DNAH8: variants seen among roughly 807,000 people sequenced by gnomAD.
DNAH8 encodes dynein axonemal heavy chain 8, also known as axonemal beta dynein heavy chain 8.
In DNAH8, 382 loss-of-function variants were observed where a neutral mutation model predicts 562.1. The observed-to-expected ratio is 0.68, with a 90% confidence interval of 0.63 to 0.74. The LOEUF (loss-of-function observed/expected upper bound fraction) is 0.74, where lower values mean the gene tolerates loss of function less well. Ranked by LOEUF, DNAH8 falls within the 30% of genes least tolerant of loss-of-function variation. DNAH8 has a pLI of 0.00. For synonymous variants in DNAH8, 1,881 were observed against 1,919.4 expected, an observed-to-expected ratio of 0.98 and a Z score of 0.52; for missense variants, 5,203 against 5,620.4, an observed-to-expected ratio of 0.93 and a Z score of 2.37.
In DNAH8 at chr6:38,716,119, C is replaced by T. The variant is rs187310311; in HGVS notation, c.-35+704C>T. Reference sequence around the variant, plus strand: ...GGCTACAGGCACCCGCCATCACGCCCGGCTAATTTTTTTTGGTATTTTCAG... The same window carrying T: ...GGCTACAGGCACCCGCCATCACGCCTGGCTAATTTTTTTTGGTATTTTCAG... On this transcript the variant is annotated intron_variant, in intron 1 of 92. Coordinates refer to ENST00000327475, the MANE Select transcript of DNAH8 (RefSeq NM_001206927.2). 2.4e-3 allele frequency among the ~76,000 whole-genome samples: 365 copies of T among 150,346 alleles called. 1 individual carries two copies. Among genetic ancestry groups the T allele is most frequent in the Middle Eastern group, 0.014 (4 of 292 alleles).
At chr6:38,945,240 A>G (rs1761292286) in intron 79 of DNAH8, among the ~76,000 whole-genome samples, 1 of 152,242 alleles carries the variant, frequency 6.6e-6, no homozygotes, top group African/African-American at 2.4e-5. Flanking sequence ...GGGAAAAATG[A>G]CAGAGTTGTT....
chr6:39,006,351 A>G (rs979131718), intron 88 of DNAH8, among the ~76,000 whole-genome samples: 1 of 152,174 alleles, frequency 6.6e-6, no homozygotes, highest in Admixed American at 6.5e-5. Context: ...TATGCTATTC[A>G]TGTTTATAGT....
chr6:39,006,613 C>T (rs1006757950), intron 88 of DNAH8, among the ~76,000 whole-genome samples: 2 of 152,164 alleles, frequency 1.3e-5, no homozygotes, highest in African/African-American at 2.4e-5. Context: ...GTATATTGTT[C>T]CAGGAAAGAG....
intron 79 of DNAH8, among the ~76,000 whole-genome samples, chr6:38,941,249 C>T (rs2150602168): frequency 6.6e-6 from 1 of 152,278 alleles, no homozygotes; most frequent in South Asian, 2.1e-4. Context: ...GTATTTCTAA[C>T]CCACAAGGTG....
intron 76 of DNAH8, among the ~76,000 whole-genome samples, chr6:38,934,618 A>G (rs907411621): frequency 2.0e-5 from 3 of 152,198 alleles, no homozygotes; most frequent in African/African-American, 7.2e-5. Context: ...AAATGTTGTA[A>G]GGAATATTAT....
Position 38,805,540 on chromosome 6 carries a change from G to T in DNAH8, c.3094G>T (p.Glu1032Ter). 6.2e-7 allele frequency: 1 copy of T among 1,610,368 alleles called. No homozygotes were observed. The highest frequency in any genetic ancestry group is 1.1e-5 in the South Asian group (1 of 90,980). The change falls in exon 23 of 93, where the codon GAA becomes TAA. Residue 1032 changes from glutamate to a stop codon, truncating the protein, a stop_gained. Coordinates refer to ENST00000327475, the MANE Select transcript of DNAH8 (RefSeq NM_001206927.2). LOFTEE classifies it high-confidence loss of function. ...AGGAGAGGGTGAAAACAATGACTAT[G>T]AAGCTAATATTGTGAATGAGTTTGA... ...ETGEGENNDY[E>*]ANIVNEFDTH... is the part of the protein sequence containing the mutation.
At chr6:38,723,310 T>A in intron 2 of DNAH8, 27 bp from the exon 3 acceptor site, 2 of 1,583,352 alleles carry the variant, frequency 1.3e-6, no homozygotes, top group Non-Finnish European at 1.7e-6. Flanking sequence ...AGAATTGCAA[T>A]TTTTGAACTT....
At chr6:38,827,546 C>T (rs1773447842) in intron 29 of DNAH8, among the ~76,000 whole-genome samples, 1 of 151,890 alleles carries the variant, frequency 6.6e-6, no homozygotes, top group Non-Finnish European at 1.5e-5. Flanking sequence ...ATATTTATGA[C>T]TGTTTTATGC....
intron 41 of DNAH8, among the ~76,000 whole-genome samples, chr6:38,855,235 A>G (rs912243807): frequency 7.2e-5 from 11 of 152,062 alleles, no homozygotes; most frequent in African/African-American, 2.7e-4. Context: ...TCCTTGCTGC[A>G]AAATTTTGGA....
In DNAH8 at chr6:38,894,786, T is replaced by C; in HGVS notation, c.8669T>C (p.Ile2890Thr). ...AGAATTTGGCAAGGAATGTTGACCA[T>C]AAAAGCTGAGGAGTGCGCTTCAATC... ...LSRIWQGMLT[I>T]KAEECASIPT... Residue 2890 changes from isoleucine to threonine, a missense_variant, in exon 59 of 93, where the codon ATA becomes ACA. Coordinates refer to ENST00000327475, the MANE Select transcript of DNAH8 (RefSeq NM_001206927.2). 6.2e-7 allele frequency: 1 copy of C among 1,614,106 alleles called. No homozygotes were observed. Among genetic ancestry groups the C allele is most frequent in the Non-Finnish European group, 8.5e-7 (1 of 1,179,990 alleles).
chr6:38,881,979 C>T (rs186326975), intron 53 of DNAH8, among the ~76,000 whole-genome samples: 22 of 152,210 alleles, frequency 1.4e-4, no homozygotes, highest in Middle Eastern at 3.4e-3. Flanking sequence ...GTTTTACCAC[C>T]GGCTGATTTT....
At chr6:39,025,027 TTAAA>T (rs1767178013) in intron 91 of DNAH8, among the ~76,000 whole-genome samples, 1 of 152,210 alleles carries the variant, frequency 6.6e-6, no homozygotes, top group African/African-American at 2.4e-5. Context: ...GAATTTTTAT[TTAAA>T]TTTTCAGTGG....
In DNAH8 at chr6:38,814,123, T is replaced by G; in HGVS notation, c.3327T>G (p.Pro1109=). Reference sequence around the variant, plus strand: ...AAAGTGAAGTACATCTTGCAATTCCTAATGTGGTAAGTATTATTAAATACA... The same window carrying G: ...AAAGTGAAGTACATCTTGCAATTCCGAATGTGGTAAGTATTATTAAATACA... ...FIKSEVHLAI[P]NVVMIPSLDD... Residue 1109 remains proline, a synonymous_variant, in exon 25 of 93, where the codon CCT becomes CCG. Transcript: ENST00000327475. The G allele has an allele frequency of 6.7e-7, 1 of 1,495,686 alleles. No individual in the cohort carries two copies. The highest frequency in any genetic ancestry group is 9.3e-7 in the Non-Finnish European group (1 of 1,073,908). 92.7% of individuals were successfully genotyped at this position (1,495,686 alleles called of 1,614,324 possible).
chr6:38,732,021 T>C (rs1582849729), intron 4 of DNAH8, among the ~76,000 whole-genome samples: 1 of 152,316 alleles, frequency 6.6e-6, no homozygotes, highest in East Asian at 1.9e-4. Context: ...CAGCCTACAT[T>C]TCTTTCTTAT....
intron 52 of DNAH8, among the ~76,000 whole-genome samples, chr6:38,873,726 CTA>C (rs1777655289): frequency 7.1e-5 from 3 of 42,060 alleles, no homozygotes; most frequent in Non-Finnish European, 9.4e-5. Flanking sequence ...ACACATACAC[CTA>C]CACACACACA....
In DNAH8 at chr6:38,826,354, A is replaced by G; in HGVS notation, c.4046A>G (p.Asn1349Ser). The G allele has an allele frequency of 6.2e-7, 1 of 1,611,618 alleles. No homozygotes were observed. The highest frequency in any genetic ancestry group is 8.5e-7 in the Non-Finnish European group (1 of 1,179,138). The change falls in exon 29 of 93, where the codon AAT (asparagine) becomes AGT (serine). Residue 1349 changes from asparagine to serine, a missense_variant. Asn to Ser is a conservative substitution (Grantham distance 46). Around this residue, in one of 6 missense-constraint regions of DNAH8, gnomAD observed 2,176 missense variants for 2,365.1 expected, o/e 0.92. Transcript: ENST00000327475. ...AMEALSCIRD[N>S]EIQMDMTLGP... ...GAAGCCTTGTCTTGCATACGTGATA[A>G]TGAAATTCAAATGGACATGACTTTG... is the stretch of plus-strand genomic sequence containing the variant.
Position 38,931,842 on chromosome 6 carries a change from T to C in DNAH8, c.11306T>C (p.Met3769Thr). The change falls in exon 76 of 93, where the codon ATG (methionine) becomes ACG (threonine). Residue 3769 changes from methionine to threonine, a missense_variant. Met to Thr is a moderately conservative substitution (Grantham distance 81, BLOSUM62 -1). Coordinates refer to ENST00000327475, the MANE Select transcript of DNAH8 (RefSeq NM_001206927.2). ...VKVGDKECDI[M>T]DTFKLYITTK... The stretch of plus-strand genomic sequence containing the variant: ...GTCGGTGATAAGGAATGTGATATCA[T>C]GGATACATTTAAACTTTACATTACT... 1.2e-6 allele frequency: 2 copies of C among 1,601,698 alleles called. No individual in the cohort carries two copies. The highest frequency in any genetic ancestry group is 1.7e-6 in the Non-Finnish European group (2 of 1,175,614).
At chr6:38,752,228 ATC>A (rs1181637273) in intron 9 of DNAH8, among the ~76,000 whole-genome samples, 4 of 150,584 alleles carry the variant, frequency 2.7e-5, no homozygotes, top group Admixed American at 6.6e-5. Context: ...CAGTGGTGCT[ATC>A]TCTGCTCACT....
chr6:38,791,427 C>A (rs774167076), intron 20 of DNAH8, 128 bp from the exon 21 acceptor site: 6 of 1,162,634 alleles, frequency 5.2e-6, no homozygotes, highest in Middle Eastern at 2.7e-4. Flanking sequence ...CCAAATTATG[C>A]TTGGCTCAAG....
Sources: gnomAD v4.1 joint callset for allele counts (sites outside exome capture counted in the v4.1 genomes callset) on GRCh38, gnomAD v4.1.1 for gene constraint, gnomAD v4.1.1 regional missense constraint, MANE v1.5 for transcripts, NCBI Gene and HGNC (gene_info 2026-07-23, HGNC 2026-07-21) for gene names.